ZSWIM6: variants seen among roughly 807,000 people sequenced by gnomAD.
ZSWIM6 encodes the protein zinc finger SWIM domain-containing protein 6.
ZSWIM6 carries 9 observed loss-of-function variants against 113.2 expected under a neutral mutation model. The observed-to-expected ratio is 0.08, with a 90% CI of 0.05 to 0.14. The LOEUF is 0.14. ZSWIM6 is among the 10% of genes least tolerant of loss of function. The pLI is 1.00. For synonymous variants in ZSWIM6, 611 were observed against 606.5 expected (o/e 1.01, Z -0.11); for missense variants, 1,162 against 1,552.2 (o/e 0.75, Z 4.22).
At chr5:61,385,303 C>T (rs772073634) in intron 1 of ZSWIM6, among the ~76,000 whole-genome samples, 65 of 152,132 alleles carry the variant, frequency 4.3e-4, no homozygotes, top group Non-Finnish European at 1.8e-4. Context: ...AGGAGTTCTC[C>T]CAAGCCAGCA....
At chr5:61,464,153 G>C (rs186981385) in intron 1 of ZSWIM6, among the ~76,000 whole-genome samples, 1 of 125,154 alleles carries the variant, frequency 8.0e-6, no homozygotes, top group Non-Finnish European at 1.7e-5. Flanking sequence ...CAACACACCC[G>C]GCTAATTTTT....
chr5:61,414,476 C>A (rs1024896156), intron 1 of ZSWIM6, among the ~76,000 whole-genome samples: 17 of 152,136 alleles, frequency 1.1e-4, no homozygotes, highest in African/African-American at 4.1e-4. Flanking sequence ...AGGTAAATAG[C>A]ATGGCTGAAA....
chr5:61,405,381 T>C (rs775576042), intron 1 of ZSWIM6, among the ~76,000 whole-genome samples: 10 of 152,224 alleles, frequency 6.6e-5, no homozygotes, highest in Non-Finnish European at 1.5e-4. Flanking sequence ...GTTTCTTTCA[T>C]CTTTTTATTA....
At chr5:61,421,418 ATGT>A (rs1176566474) in intron 1 of ZSWIM6, among the ~76,000 whole-genome samples, 1 of 152,076 alleles carries the variant, frequency 6.6e-6, no homozygotes, top group Non-Finnish European at 1.5e-5. Context: ...AGTTCCCTTC[ATGT>A]TGTTGCACAT....
rs1188574400 is a variant in ZSWIM6 at position 61,423,408 on chromosome 5, CA to C, written c.677-49263del. 1.0e-3 allele frequency among the ~76,000 whole-genome samples: 93 copies of C among 92,108 alleles called. No individual in the cohort carries two copies. In the East Asian group the frequency reaches 0.022, roughly 22 times the overall value. The allele number at this position is 92,108 out of a possible 152,430, so 60.4% of individuals were successfully genotyped here. On this transcript the variant is annotated intron_variant, in intron 1 of 13. Coordinates refer to ENST00000252744, the MANE Select transcript of ZSWIM6 (RefSeq NM_020928.2). ...GGGCATCAAGAGTGAAACTCCATCTCAAAAAAAAAACACAAAAAAAAAACAA... is the reference window on the plus strand; with the variant it reads ...GGGCATCAAGAGTGAAACTCCATCTCAAAAAAAAACACAAAAAAAAAACAA...
Position 61,521,437 on chromosome 5 carries a change from A to C in ZSWIM6, c.1508A>C (p.Asn503Thr). 6.8e-7 allele frequency: 1 copy of C among 1,463,722 alleles called. No individual in the cohort carries two copies. The highest frequency in any genetic ancestry group is 1.4e-5 in the African/African-American group (1 of 69,302). The allele number at this position is 1,463,722 out of a possible 1,614,324, so 90.7% of individuals were successfully genotyped here. Residue 503 changes from asparagine (N) to threonine (T), a missense_variant, in exon 5 of 14, where the codon AAC becomes ACC. Asn to Thr is a moderately conservative substitution (Grantham distance 65). Transcript: ENST00000252744. ...TNALPQGANA[N>T]QDSSNRPHRT... is the part of the protein sequence containing the mutation. ...GCTCTGCCTCAGGGTGCAAATGCCAACCAAGGTGAGTCTACCATAATGTTC... is the reference window on the plus strand; with the variant it reads ...GCTCTGCCTCAGGGTGCAAATGCCACCCAAGGTGAGTCTACCATAATGTTC...
At chr5:61,341,605 C>A (rs1001596095) in intron 1 of ZSWIM6, among the ~76,000 whole-genome samples, 1 of 152,008 alleles carries the variant, frequency 6.6e-6, no homozygotes, top group Admixed American at 6.6e-5. Context: ...TATACATATA[C>A]CCATATAATA....
intron 1 of ZSWIM6, among the ~76,000 whole-genome samples, chr5:61,349,764 C>A (rs1201668281): frequency 1.3e-5 from 2 of 152,004 alleles, no homozygotes; most frequent in Admixed American, 6.6e-5. Context: ...TTTTGGGTTA[C>A]CTAGAAAAAT....
rs548695220 is a variant in ZSWIM6 at position 61,433,475 on chromosome 5, G to GTT, written c.677-39193_677-39192dup. On this transcript the variant is annotated intron_variant, in intron 1 of 13. Transcript: ENST00000252744. ...ATAAGATTGATTTATAGACTTAGTT[G>GTT]TTTTTTTTTTTTTTGAGACAGAGTT... Among the ~76,000 whole-genome samples, 258 of 143,666 alleles carry GTT rather than the reference G, an allele frequency of 1.8e-3. 2 individuals are homozygous for GTT. Among genetic ancestry groups the GTT allele is most frequent in the East Asian group, 7.8e-3 (38 of 4,900 alleles). 94.3% of individuals were successfully genotyped at this position (143,666 alleles called of 152,430 possible).
intron 1 of ZSWIM6, among the ~76,000 whole-genome samples, chr5:61,339,536 TTACATA>T (rs1305029468): frequency 6.6e-6 from 1 of 152,236 alleles, no homozygotes; most frequent in Non-Finnish European, 1.5e-5. Flanking sequence ...AGAAGCTTAC[TTACATA>T]TACATATGAT....
intron 1 of ZSWIM6, among the ~76,000 whole-genome samples, chr5:61,441,697 AGTT>A (rs1199762732): frequency 3.9e-5 from 6 of 152,144 alleles, no homozygotes; most frequent in Admixed American, 3.3e-4. Flanking sequence ...TTATTCCTGT[AGTT>A]AAGACTCAAT....
At chr5:61,461,274 A>G (rs1747318323) in intron 1 of ZSWIM6, among the ~76,000 whole-genome samples, 1 of 152,172 alleles carries the variant, frequency 6.6e-6, no homozygotes, top group African/African-American at 2.4e-5. Flanking sequence ...TATAGCAACT[A>G]CCACCCCATA....
chr5:61,403,860 G>A (rs1745990006), intron 1 of ZSWIM6, among the ~76,000 whole-genome samples: 1 of 152,110 alleles, frequency 6.6e-6, no homozygotes, highest in South Asian at 2.1e-4. Flanking sequence ...TGACAGTGAG[G>A]AAATTAAATT....
chr5:61,413,757 A>C (rs1275517268), intron 1 of ZSWIM6, among the ~76,000 whole-genome samples: 1 of 151,980 alleles, frequency 6.6e-6, no homozygotes, highest in Non-Finnish European at 1.5e-5. Context: ...TTTGATTTGC[A>C]TTTCTCTGAT....
intron 1 of ZSWIM6, among the ~76,000 whole-genome samples, chr5:61,441,043 T>C (rs1265556833): frequency 6.6e-6 from 1 of 152,088 alleles, no homozygotes; most frequent in African/African-American, 2.4e-5. Flanking sequence ...AAACTTGAAA[T>C]AGATCATACA....
intron 4 of ZSWIM6, among the ~76,000 whole-genome samples, chr5:61,507,913 C>G (rs1748667238): frequency 6.6e-6 from 1 of 151,764 alleles, no homozygotes; most frequent in African/African-American, 2.4e-5. Flanking sequence ...ACTATACATA[C>G]AAATTCCAAC....
At chr5:61,521,569 T>A in intron 5 of ZSWIM6, 127 bp downstream of exon 5, 2 of 635,010 alleles carry the variant, frequency 3.1e-6, no homozygotes, top group Non-Finnish European at 4.7e-6. Context: ...CTCCAGTACT[T>A]AATATGTGTT....
intron 4 of ZSWIM6, among the ~76,000 whole-genome samples, chr5:61,515,786 T>C (rs967439834): frequency 1.3e-5 from 2 of 152,176 alleles, no homozygotes; most frequent in African/African-American, 4.8e-5. Flanking sequence ...TGTGGATTTG[T>C]CTGTTTCTCC....
At chr5:61,520,997 G>T (rs1304100139) in intron 4 of ZSWIM6, among the ~76,000 whole-genome samples, 1 of 151,968 alleles carries the variant, frequency 6.6e-6, no homozygotes, top group Admixed American at 6.6e-5. Flanking sequence ...TCAAACTTTG[G>T]ATCTATTGTC....
Sources: allele counts gnomAD v4.1 joint callset (sites outside exome capture counted in the v4.1 genomes callset), GRCh38; gene constraint gnomAD v4.1.1; transcripts MANE v1.5; gene names NCBI Gene and HGNC (gene_info 2026-07-23, HGNC 2026-07-21).